NTAQ1: variants seen among roughly 807,000 people sequenced by gnomAD.
The protein encoded by NTAQ1 is protein N-terminal glutamine amidohydrolase.
NTAQ1 carries 21 observed loss-of-function variants against 28.2 expected under a neutral mutation model. The observed-to-expected ratio is 0.74, with a 90% CI of 0.53 to 1.07. NTAQ1 has a LOEUF of 1.07. NTAQ1 is among the 50% of genes least tolerant of loss of function. The probability of loss-of-function intolerance (pLI) is 0.00; values close to 1 mark genes in which losing one functional copy is unlikely to be tolerated. For synonymous variants in NTAQ1, 105 were observed against 90.0 expected (o/e 1.17, Z -0.94); for missense variants, 264 against 256.6 (o/e 1.03, Z -0.20).
chr8:123,459,032 C>G (rs1479965532), intron 6 of NTAQ1, among the ~76,000 whole-genome samples: 1 of 151,752 alleles, frequency 6.6e-6, no homozygotes, highest in African/African-American at 2.4e-5. Context: ...GAGCCGAGAT[C>G]GTGCCACTGC....
At chr8:123,426,549 T>G (rs576199922) in intron 1 of NTAQ1, among the ~76,000 whole-genome samples, 2 of 152,276 alleles carry the variant, frequency 1.3e-5, no homozygotes, top group Admixed American at 1.3e-4. Context: ...TGTGGTGATG[T>G]GCATCTGTGG....
At chr8:123,474,404 GAT>G (rs1816070428), downstream of NTAQ1, among the ~76,000 whole-genome samples, 1 of 152,148 alleles carries the variant, frequency 6.6e-6, no homozygotes, top group Admixed American at 6.5e-5. Context: ...ATTAAATTGA[GAT>G]AATACAATTT....
chr8:123,463,010 AG>A (rs1815873959), intron 6 of NTAQ1, among the ~76,000 whole-genome samples: 1 of 152,206 alleles, frequency 6.6e-6, no homozygotes, highest in Non-Finnish European at 1.5e-5. Flanking sequence ...TTGGTACACC[AG>A]GGGGAGCATT....
At chr8:123,465,410 C>G (rs1815937470) in intron 6 of NTAQ1, among the ~76,000 whole-genome samples, 1 of 151,914 alleles carries the variant, frequency 6.6e-6, no homozygotes, top group South Asian at 2.1e-4. Flanking sequence ...AGAGAAACTC[C>G]CTCATACTAA....
chr8:123,448,900 A>C (rs761458003), downstream of NTAQ1, among the ~76,000 whole-genome samples: 1 of 152,160 alleles, frequency 6.6e-6, no homozygotes, highest in Non-Finnish European at 1.5e-5. Context: ...AAAAACATGA[A>C]CAGGTCCCTG....
chr8:123,446,349 G>T (rs887742086), downstream of NTAQ1, among the ~76,000 whole-genome samples: 1 of 152,170 alleles, frequency 6.6e-6, no homozygotes, highest in Non-Finnish European at 1.5e-5. Context: ...AATGTTTTCT[G>T]TAAATGGCCA....
At chr8:123,428,081 T>A in intron 2 of NTAQ1, 58 bp downstream of exon 2, 2 of 1,160,308 alleles carry the variant, frequency 1.7e-6, no homozygotes, top group Non-Finnish European at 2.3e-6. Flanking sequence ...CATTAGAAGC[T>A]AAATTAAAAA....
At chr8:123,449,899 C>A (rs1563901872), downstream of NTAQ1, among the ~76,000 whole-genome samples, 2 of 105,596 alleles carry the variant, frequency 1.9e-5, no homozygotes, top group African/African-American at 3.6e-5. Flanking sequence ...CTCTATCTCT[C>A]CATATGTATA....
At chr8:123,423,284 T>C in intron 1 of NTAQ1, among the ~76,000 whole-genome samples, 1 of 126,734 alleles carries the variant, frequency 7.9e-6, no homozygotes, top group African/African-American at 2.9e-5. Context: ...CTCTCTTTCC[T>C]TCCTTCTCTT....
rs146529951 is a variant in NTAQ1, at chr8:123,421,185, A to G, written c.83+4253A>G. On this transcript the variant is annotated intron_variant, in intron 1 of 5. Transcript: ENST00000287387. ...TGCAGCCTCGACCTGGTGTCAATCAATTCTCCCACTTCAGTCTCCCGAGTA... is the reference window on the plus strand; with the variant it reads ...TGCAGCCTCGACCTGGTGTCAATCAGTTCTCCCACTTCAGTCTCCCGAGTA... Among the ~76,000 whole-genome samples the G allele has an allele frequency of 6.1e-3, 927 of 151,204 alleles. 11 individuals carry two copies. The highest frequency in any genetic ancestry group is 0.021 in the African/African-American group (882 of 41,074).
At chr8:123,426,908 C>T (rs1034465666) in intron 1 of NTAQ1, among the ~76,000 whole-genome samples, 3 of 151,572 alleles carry the variant, frequency 2.0e-5, no homozygotes, top group East Asian at 1.9e-4. Flanking sequence ...TGCAGTGAGC[C>T]GAGATCACAC....
Position 123,429,593 on chromosome 8 carries a change from G to A in NTAQ1, c.184-390G>A, listed in dbSNP as rs368891669. The stretch of plus-strand genomic sequence containing the variant: ...ACAAGATCCTGTCTTGGCCAGGTGC[G>A]GTGGCTCACGCCTATAATCCCAGCA... On this transcript the variant is annotated intron_variant, in intron 2 of 5. Coordinates refer to ENST00000287387, the MANE Select transcript of NTAQ1 (RefSeq NM_018024.3). Among the ~76,000 whole-genome samples, 208 of 152,002 alleles carry A rather than the reference G, an allele frequency of 1.4e-3. 2 individuals carry two copies. The highest frequency in any genetic ancestry group is 4.8e-3 in the African/African-American group (197 of 41,468).
upstream of NTAQ1, chr8:123,416,764 C>G: frequency 7.6e-7 from 1 of 1,309,578 alleles, no homozygotes; most frequent in Non-Finnish European, 1.0e-6. Context: ...GCCGGGAACC[C>G]ACGCGGGCCA....
exon 7 of NTAQ1, among the ~76,000 whole-genome samples, chr8:123,467,438 T>G (rs1200752868): frequency 6.6e-6 from 1 of 152,240 alleles, no homozygotes; most frequent in Middle Eastern, 3.2e-3. Context: ...GTTATGAGAT[T>G]GTTAATGTAA....
At chr8:123,417,246 T>A (rs1019928026) in intron 1 of NTAQ1, among the ~76,000 whole-genome samples, 9 of 152,106 alleles carry the variant, frequency 5.9e-5, no homozygotes, top group African/African-American at 2.2e-4. Flanking sequence ...CTGAAAATCT[T>A]TGGGGGTTAC....
At chr8:123,431,268 C>T (rs113130843) in intron 3 of NTAQ1, among the ~76,000 whole-genome samples, 4,087 of 147,960 alleles carry the variant, frequency 0.028, 208 homozygotes, top group African/African-American at 0.097. Flanking sequence ...ACCTGGGAGG[C>T]AGAGGTTGCA....
intron 6 of NTAQ1, among the ~76,000 whole-genome samples, chr8:123,460,223 A>G (rs915186005): frequency 1.3e-5 from 2 of 152,194 alleles, no homozygotes; most frequent in Non-Finnish European, 1.5e-5. Context: ...ATTTTGTGCC[A>G]GGCACTGCTC....
intron 6 of NTAQ1, among the ~76,000 whole-genome samples, chr8:123,460,779 T>C (rs1815799568): frequency 6.6e-6 from 1 of 151,766 alleles, no homozygotes; most frequent in South Asian, 2.1e-4. Context: ...GGGAGTGAAA[T>C]GAGGGAAGAA....
chr8:123,452,209 A>G (rs1815518079), downstream of NTAQ1, among the ~76,000 whole-genome samples: 1 of 152,234 alleles, frequency 6.6e-6, no homozygotes, highest in South Asian at 2.1e-4. Flanking sequence ...GCACCAGAGA[A>G]TGAACTATGT....
Sources: gnomAD v4.1 joint callset for allele counts (sites outside exome capture counted in the v4.1 genomes callset) on GRCh38, gnomAD v4.1.1 for gene constraint, MANE v1.5 for transcripts, NCBI Gene and HGNC (gene_info 2026-07-23, HGNC 2026-07-21) for gene names.